Variants in IL1RAPL1 observed in about 807,000 individuals in gnomAD.
IL1RAPL1 encodes the protein interleukin 1 receptor accessory protein like 1.
A neutral mutation model predicts 48.4 loss-of-function variants in IL1RAPL1; 3 were observed. That is an observed-to-expected ratio of 0.06 (90% CI 0.03 to 0.16). The LOEUF (loss-of-function observed/expected upper bound fraction) is 0.16, where lower values mean the gene tolerates loss of function less well. IL1RAPL1 is among the 10% of genes least tolerant of loss of function. The pLI, the probability that IL1RAPL1 is intolerant of heterozygous loss-of-function variation, is 1.00. For missense variants in IL1RAPL1, 349 were observed against 530.6 expected (o/e 0.66, Z 3.36); for synonymous variants, 185 against 187.7 (o/e 0.99, Z 0.12).
At chrX:29,415,846 A>C (rs1416359339) in intron 5 of IL1RAPL1, among the ~76,000 whole-genome samples, 1 of 112,479 alleles carries the variant, frequency 8.9e-6, no homozygotes, top group Non-Finnish European at 1.9e-5. Context: ...TTCCCATTAG[A>C]CTTAATGATG....
intron 2 of IL1RAPL1, among the ~76,000 whole-genome samples, chrX:28,886,631 T>A (rs984329709): frequency 1.8e-5 from 2 of 111,504 alleles, no homozygotes; most frequent in Non-Finnish European, 3.8e-5. Flanking sequence ...ATGTTTATGT[T>A]TTTCATTAAT....
At chrX:29,313,114 A>C (rs1473394689) in intron 3 of IL1RAPL1, among the ~76,000 whole-genome samples, 1 of 112,060 alleles carries the variant, frequency 8.9e-6, no homozygotes, top group Non-Finnish European at 1.9e-5. Flanking sequence ...AGAAGTCATA[A>C]TACAAATATT....
At chrX:28,646,473 T>C (rs1010382611) in intron 1 of IL1RAPL1, among the ~76,000 whole-genome samples, 1 of 112,419 alleles carries the variant, frequency 8.9e-6, no homozygotes, top group Non-Finnish European at 1.9e-5. Flanking sequence ...TACGAATATA[T>C]TGTCACATTA....
intron 3 of IL1RAPL1, among the ~76,000 whole-genome samples, chrX:29,320,998 T>C (rs1932800279): frequency 1.8e-5 from 2 of 111,191 alleles, no homozygotes. Context: ...TTGTTATGCC[T>C]AAACTACATA....
chrX:29,374,491 C>T (rs1378579385), intron 3 of IL1RAPL1, among the ~76,000 whole-genome samples: 3 of 109,379 alleles, frequency 2.7e-5, no homozygotes, highest in Non-Finnish European at 5.7e-5. Flanking sequence ...AAAGAAAGCT[C>T]AATGAAGCTG....
At chrX:28,907,218 G>A (rs189023920) in intron 2 of IL1RAPL1, among the ~76,000 whole-genome samples, 181 of 111,493 alleles carry the variant, frequency 1.6e-3, no homozygotes, top group Middle Eastern at 4.7e-3. Flanking sequence ...GTCTCTTGTT[G>A]TAGCGGATTG....
chrX:29,438,517 G>C (rs1184640108), intron 5 of IL1RAPL1, among the ~76,000 whole-genome samples: 1 of 110,684 alleles, frequency 9.0e-6, no homozygotes, highest in Non-Finnish European at 1.9e-5. Context: ...TAAGCATTTA[G>C]TACTGTAAAA....
chrX:29,314,201 G>C (rs966415741), intron 3 of IL1RAPL1, among the ~76,000 whole-genome samples: 12 of 112,090 alleles, frequency 1.1e-4, no homozygotes, highest in African/African-American at 3.6e-4. Context: ...TCTGAAGACA[G>C]TGGTTGAAGG....
chrX:28,750,734 AT>A (rs757242223), intron 1 of IL1RAPL1, among the ~76,000 whole-genome samples: 5 of 111,617 alleles, frequency 4.5e-5, no homozygotes, highest in African/African-American at 1.6e-4. Flanking sequence ...AAAGCCATAC[AT>A]TTTTTCTTTA....
chrX:29,676,459 C>T (rs941561797), intron 6 of IL1RAPL1, among the ~76,000 whole-genome samples: 1 of 111,294 alleles, frequency 9.0e-6, no homozygotes, highest in Non-Finnish European at 1.9e-5. Context: ...TTTCCATCTC[C>T]CCTTTAAGGA....
chrX:28,972,545 T>C (rs1211227719), intron 2 of IL1RAPL1, among the ~76,000 whole-genome samples: 1 of 110,370 alleles, frequency 9.1e-6, no homozygotes, highest in East Asian at 2.9e-4. Flanking sequence ...GAGACCATCC[T>C]GGCTAATACA....
At chrX:29,081,613 T>C (rs919632378) in intron 2 of IL1RAPL1, among the ~76,000 whole-genome samples, 1 of 112,032 alleles carries the variant, frequency 8.9e-6, no homozygotes, top group Non-Finnish European at 1.9e-5. Context: ...AGAAACATAT[T>C]AGGTTTTTCT....
At chrX:29,809,295 A>G (rs1255712136) in intron 6 of IL1RAPL1, among the ~76,000 whole-genome samples, 1 of 102,478 alleles carries the variant, frequency 9.8e-6, no homozygotes, top group Non-Finnish European at 2.0e-5. Context: ...TTTAGTGGAG[A>G]CGGGGTTTCA....
At chrX:29,006,800 A>T (rs1319677219) in intron 2 of IL1RAPL1, among the ~76,000 whole-genome samples, 2 of 109,593 alleles carry the variant, frequency 1.8e-5, no homozygotes, top group Admixed American at 2.0e-4. Context: ...TCTGGCAGTG[A>T]CAGCTGGGGG....
chrX:28,672,402 G>A (rs1404873492), intron 1 of IL1RAPL1, among the ~76,000 whole-genome samples: 1 of 111,578 alleles, frequency 9.0e-6, no homozygotes, highest in Non-Finnish European at 1.9e-5. Context: ...TCAAGAAATG[G>A]TTTATGCTAA....
At chrX:29,217,769 TCTCTCTCTCACA>T (rs1180691641) in intron 2 of IL1RAPL1, among the ~76,000 whole-genome samples, 1,557 of 71,051 alleles carry the variant, frequency 0.022, 36 homozygotes, top group African/African-American at 0.075. Context: ...TCTCTCTCTC[TCTCTCTCTCACA>T]CACACACACA....
At chrX:28,590,826 A>G (rs373722456) in intron 1 of IL1RAPL1, among the ~76,000 whole-genome samples, 2 of 112,330 alleles carry the variant, frequency 1.8e-5, no homozygotes, top group South Asian at 3.7e-4. Flanking sequence ...CAGGATGGAA[A>G]AAGATTCTGT....
At chrX:29,702,722 C>T (rs764297911) in intron 6 of IL1RAPL1, among the ~76,000 whole-genome samples, 2 of 112,336 alleles carry the variant, frequency 1.8e-5, no homozygotes, top group Non-Finnish European at 3.8e-5. Flanking sequence ...GAGTTTTCTT[C>T]AAGTGACATG....
At chrX:29,266,784 C>T (rs1190380680) in intron 2 of IL1RAPL1, among the ~76,000 whole-genome samples, 1 of 111,598 alleles carries the variant, frequency 9.0e-6, no homozygotes, top group African/African-American at 3.3e-5. Context: ...GCTTTCTCTA[C>T]TTATTCATAG....
Sources: gnomAD v4.1 joint callset for allele counts (sites outside exome capture counted in the v4.1 genomes callset) on GRCh38, gnomAD v4.1.1 for gene constraint, MANE v1.5 for transcripts, NCBI Gene and HGNC (gene_info 2026-07-23, HGNC 2026-07-21) for gene names.